The following CTNNA3 variants were observed in gnomAD, a reference collection of about 807,000 sequenced individuals.
CTNNA3 encodes the protein catenin alpha 3, also known as catenin alpha-3.
A neutral mutation model predicts 95.7 loss-of-function variants in CTNNA3; 76 were observed. The observed-to-expected ratio is 0.79, with a 90% CI of 0.66 to 0.96. CTNNA3 has a LOEUF of 0.96. Among genes scored for constraint, CTNNA3 ranks in the 40% least tolerant of loss-of-function variants. The probability of loss-of-function intolerance (pLI) is 0.00; values close to 1 mark genes in which losing one functional copy is unlikely to be tolerated. For synonymous variants in CTNNA3, 431 were observed against 374.4 expected (o/e 1.15, Z -1.74); for missense variants, 1,191 against 1,089.8 (o/e 1.09, Z -1.31).
chr10:66,785,762 T>C (rs557199496), intron 7 of CTNNA3, among the ~76,000 whole-genome samples: 2 of 152,288 alleles, frequency 1.3e-5, no homozygotes, highest in East Asian at 3.9e-4. Context: ...AAATCTCCTC[T>C]TATATATGTA....
At chr10:66,510,612 A>G (rs910097411) in intron 11 of CTNNA3, among the ~76,000 whole-genome samples, 53 of 151,758 alleles carry the variant, frequency 3.5e-4, no homozygotes, top group Non-Finnish European at 6.5e-4. Context: ...TAAAGGGATG[A>G]TGAATTTTAT....
intron 1 of CTNNA3, among the ~76,000 whole-genome samples, chr10:67,731,240 A>G (rs1197856902): frequency 5.9e-5 from 9 of 152,180 alleles, no homozygotes; most frequent in African/African-American, 2.2e-4. Flanking sequence ...TATGATAGCC[A>G]GATGTGGTGG....
chr10:66,666,203 A>C (rs1846445932), intron 9 of CTNNA3, among the ~76,000 whole-genome samples: 1 of 152,122 alleles, frequency 6.6e-6, no homozygotes, highest in Non-Finnish European at 1.5e-5. Flanking sequence ...TCTACTTTGG[A>C]GTATGAGATC....
At chr10:66,678,578 A>C (rs1452455698) in intron 9 of CTNNA3, among the ~76,000 whole-genome samples, 1 of 152,166 alleles carries the variant, frequency 6.6e-6, no homozygotes, top group Non-Finnish European at 1.5e-5. Context: ...GACAAAAGTC[A>C]AAGTTAGACA....
rs192132369 is a variant in CTNNA3 at position 66,329,612 on chromosome 10, G to A, written c.1733-48991C>T. ...AAAAACCTACTACAAAAGTACTATCGTATGTCAAAATAAAATGAAAGAATG... is the reference window on the plus strand; with the variant it reads ...AAAAACCTACTACAAAAGTACTATCATATGTCAAAATAAAATGAAAGAATG... On this transcript the variant is annotated intron_variant, in intron 12 of 17. Coordinates refer to ENST00000433211, the MANE Select transcript of CTNNA3 (RefSeq NM_013266.4). 6.7e-4 allele frequency among the ~76,000 whole-genome samples: 102 copies of A among 151,344 alleles called. No individual in the cohort carries two copies. The Middle Eastern group carries it at 0.017, about 25-fold the overall frequency.
chr10:66,330,452 T>A (rs957513056), intron 12 of CTNNA3, among the ~76,000 whole-genome samples: 5 of 134,168 alleles, frequency 3.7e-5, no homozygotes, highest in African/African-American at 2.0e-4. Flanking sequence ...GCCACATTTA[T>A]CTTAATCCAG....
In CTNNA3 at chr10:67,016,391, A is replaced by T. The variant is rs533617799; in HGVS notation, c.1047+163926T>A. ...TCGTTTCTTTTTGTTTGTTTGTTTT[A>T]TTTAAGGAGTTTGCATGGATCACAG... is the stretch of plus-strand genomic sequence containing the variant. On this transcript the variant is annotated intron_variant, in intron 7 of 17. Transcript: ENST00000433211. 7.2e-5 allele frequency among the ~76,000 whole-genome samples: 11 copies of T among 152,154 alleles called. No individual in the cohort carries two copies. In the East Asian group the frequency reaches 1.5e-3, roughly 21 times the overall value.
In CTNNA3 at chr10:66,229,512, GT is replaced by G. The variant is rs551313622; in HGVS notation, c.1884+50957del. Among the ~76,000 whole-genome samples the G allele has an allele frequency of 4.0e-5, 6 of 151,796 alleles. No individual in the cohort carries two copies. The East Asian group carries it at 7.8e-4, about 20-fold the overall frequency. On this transcript the variant is annotated intron_variant, in intron 13 of 17. Transcript: ENST00000433211. ...TGAGTATAATATTCTCGTCTCACAG[GT>G]TTTTTTTATTTCTTTCAACTCTTTG...
intron 5 of CTNNA3, among the ~76,000 whole-genome samples, chr10:67,397,670 G>C (rs537537353): frequency 1.3e-5 from 2 of 152,318 alleles, no homozygotes; most frequent in Admixed American, 6.5e-5. Flanking sequence ...GGCCATGTCA[G>C]AGACCATCAC....
At chr10:66,464,485 G>A (rs781147444) in intron 11 of CTNNA3, among the ~76,000 whole-genome samples, 3 of 152,060 alleles carry the variant, frequency 2.0e-5, no homozygotes, top group Non-Finnish European at 4.4e-5. Flanking sequence ...AAATAGGGTT[G>A]GGCACGGAGG....
intron 3 of CTNNA3, among the ~76,000 whole-genome samples, chr10:67,561,964 C>A (rs931925480): frequency 6.6e-6 from 1 of 152,106 alleles, no homozygotes; most frequent in Non-Finnish European, 1.5e-5. Flanking sequence ...CTGAATAGAC[C>A]AACAACAGGA....
chr10:67,417,993 G>A (rs768907094), intron 5 of CTNNA3, among the ~76,000 whole-genome samples: 3 of 152,124 alleles, frequency 2.0e-5, no homozygotes, highest in Non-Finnish European at 4.4e-5. Context: ...GCAGCATGGA[G>A]CAGAATATCC....
At chr10:66,037,996 G>A (rs375933500) in intron 15 of CTNNA3, among the ~76,000 whole-genome samples, 39 of 152,188 alleles carry the variant, frequency 2.6e-4, no homozygotes, top group African/African-American at 9.4e-4. Context: ...CTCCCATGCA[G>A]CTCTACGTGT....
At position 66,585,595 on chromosome 10, in the gene CTNNA3, C is replaced by T. The variant is rs533247386; in HGVS notation, c.1374+36097G>A. Among the ~76,000 whole-genome samples the T allele has an allele frequency of 7.3e-5, 11 of 151,662 alleles. No individual in the cohort carries two copies. In the East Asian group the frequency reaches 2.1e-3, roughly 30 times the overall value. On this transcript the variant is annotated intron_variant, in intron 10 of 17. Transcript: ENST00000433211. ...TCTTTAGAAAAGTTTTCATTCATGT[C>T]CTGAATTAAAAAAAATTATGTTGGT... is the stretch of plus-strand genomic sequence containing the variant.
At position 66,418,134 on chromosome 10, in the gene CTNNA3, C is replaced by T. The variant is rs138576225; in HGVS notation, c.1532-38782G>A. On this transcript the variant is annotated intron_variant, in intron 11 of 17. Transcript: ENST00000433211. The stretch of plus-strand genomic sequence containing the variant: ...CATTAAAAAAAAAAAAAACTACGAG[C>T]TAGACTAACAAAGAAAAGAGAAGAC... 6.9e-3 allele frequency among the ~76,000 whole-genome samples: 1,012 copies of T among 146,702 alleles called. 10 individuals are homozygous for T. The highest frequency in any genetic ancestry group is 0.024 in the African/African-American group (962 of 39,916).
At chr10:67,332,242 T>C (rs1414656930) in intron 5 of CTNNA3, among the ~76,000 whole-genome samples, 1 of 152,218 alleles carries the variant, frequency 6.6e-6, no homozygotes, top group Admixed American at 6.5e-5. Flanking sequence ...ATTTTCTGAT[T>C]CATGCTTTTG....
chr10:66,135,348 CATGACT>C (rs2083295682), intron 13 of CTNNA3, among the ~76,000 whole-genome samples: 1 of 152,094 alleles, frequency 6.6e-6, no homozygotes, highest in Admixed American at 6.5e-5. Flanking sequence ...ACCTAGAGAT[CATGACT>C]AAAAACACAG....
chr10:66,022,846 G>T (rs7073988), intron 15 of CTNNA3, among the ~76,000 whole-genome samples: 104,171 of 151,928 alleles, frequency 0.69, 35,811 homozygotes, highest in South Asian at 0.76. Context: ...GCCTATAATC[G>T]TTATCCTTGC....
chr10:66,038,960 T>C (rs879114930), intron 15 of CTNNA3, among the ~76,000 whole-genome samples: 1 of 152,234 alleles, frequency 6.6e-6, no homozygotes, highest in Non-Finnish European at 1.5e-5. Context: ...AAACTATCCC[T>C]GTTTGCAGAC....
Sources: gnomAD v4.1 joint callset for allele counts (sites outside exome capture counted in the v4.1 genomes callset) on GRCh38, gnomAD v4.1.1 for gene constraint, MANE v1.5 for transcripts, NCBI Gene and HGNC (gene_info 2026-07-23, HGNC 2026-07-21) for gene names.